Variants in PEX5L observed in about 807,000 individuals in gnomAD.
PEX5L encodes the protein PEX5-related protein.
Under a neutral mutation model 84.0 loss-of-function variants are expected in PEX5L, and 30 were observed. The ratio of observed to expected loss-of-function variants is 0.36; its 90% CI spans 0.27 to 0.48. PEX5L has a LOEUF of 0.48. Ranked by LOEUF, PEX5L falls within the 20% of genes least tolerant of loss-of-function variation. PEX5L has a pLI of 0.99. For synonymous variants in PEX5L, 270 were observed against 283.1 expected, an observed-to-expected ratio of 0.95 and a Z score of 0.46; for missense variants, 533 against 754.6, an observed-to-expected ratio of 0.71 and a Z score of 3.44.
chr3:179,827,654 G>A (rs527923219), intron 8 of PEX5L, among the ~76,000 whole-genome samples: 2 of 152,192 alleles, frequency 1.3e-5, no homozygotes, highest in South Asian at 2.1e-4. Flanking sequence ...GGACTGGAGT[G>A]GGGGAGGAAG....
intron 8 of PEX5L, among the ~76,000 whole-genome samples, chr3:179,830,976 G>T (rs1732629579): frequency 6.6e-6 from 1 of 152,016 alleles, no homozygotes; most frequent in Non-Finnish European, 1.5e-5. Flanking sequence ...TTCATCTCGG[G>T]GCTATTATGT....
rs1226346749 is a variant in PEX5L, at chr3:179,880,021, T to A, written c.413A>T (p.Lys138Met). The change falls in exon 5 of 15, where the codon AAG becomes ATG. Residue 138 changes from lysine (K) to methionine (M), a missense_variant. Around this residue, in one of 8 missense-constraint regions of PEX5L, gnomAD observed 259 missense variants for 301.7 expected, o/e 0.86. Transcript: ENST00000467460. ...GAGGTCAGATCCATCGGCCTTTTTC[T>A]TGAGGGATGAGGTTTTTGATGAGGG... is the stretch of plus-strand genomic sequence containing the variant. ...SEPSSKTSSL[K>M]KKADGSDLIS... 6.2e-7 allele frequency: 1 copy of A among 1,613,934 alleles called. No individual in the cohort carries two copies. Among genetic ancestry groups the A allele is most frequent in the East Asian group, 2.2e-5 (1 of 44,882 alleles).
At chr3:179,898,058 G>GA in intron 3 of PEX5L, 84 bp downstream of exon 3, 1 of 727,116 alleles carries the variant, frequency 1.4e-6, no homozygotes, top group East Asian at 3.1e-5. Flanking sequence ...AAGAGTTAAA[G>GA]TTTTTTTTTT....
intron 8 of PEX5L, among the ~76,000 whole-genome samples, chr3:179,845,973 C>A (rs537619068): frequency 6.6e-6 from 1 of 152,248 alleles, no homozygotes; most frequent in South Asian, 2.1e-4. Flanking sequence ...AGTTTGAGAC[C>A]AGCCTGGCCA....
chr3:179,941,465 C>T (rs1776075992), intron 2 of PEX5L, among the ~76,000 whole-genome samples: 1 of 152,192 alleles, frequency 6.6e-6, no homozygotes, highest in Non-Finnish European at 1.5e-5. Context: ...ACATTCAGTA[C>T]TTCATGTAAT....
chr3:179,920,819 G>C (rs1769109206), intron 2 of PEX5L, among the ~76,000 whole-genome samples: 1 of 152,064 alleles, frequency 6.6e-6, no homozygotes, highest in Admixed American at 6.5e-5. Flanking sequence ...AAGTATTTTT[G>C]AATGAATTTA....
intron 2 of PEX5L, among the ~76,000 whole-genome samples, chr3:179,900,999 C>T (rs891471032): frequency 2.0e-5 from 3 of 152,172 alleles, no homozygotes; most frequent in Non-Finnish European, 4.4e-5. Context: ...CACCTGTTAT[C>T]TTAAAATCAA....
chr3:179,800,701 G>A lies in PEX5L; in HGVS notation c.*1127C>T, dbSNP rs1718608283. ...GTGTTGCTCTTCTATCACTTAGAATGCAAGGGGATGAACAGTGCAGATTAT... is the reference window on the plus strand; with the variant it reads ...GTGTTGCTCTTCTATCACTTAGAATACAAGGGGATGAACAGTGCAGATTAT... On this transcript the variant is annotated 3_prime_UTR_variant, in exon 15 of 15. Coordinates refer to ENST00000467460, the MANE Select transcript of PEX5L (RefSeq NM_016559.3). 1 of 152,186 alleles carries A rather than the reference G, an allele frequency of 6.6e-6. No individual in the cohort carries two copies. Among genetic ancestry groups the A allele is most frequent in the African/African-American group, 2.4e-5 (1 of 41,446 alleles). The allele number at this position is 152,186 out of a possible 1,614,324, so 9.4% of individuals were successfully genotyped here.
chr3:179,929,322 C>T (rs1196004856), intron 2 of PEX5L, among the ~76,000 whole-genome samples: 3 of 152,116 alleles, frequency 2.0e-5, no homozygotes, highest in African/African-American at 7.2e-5. Context: ...CCTCAAAGTA[C>T]TTAAATCTAA....
intron 8 of PEX5L, among the ~76,000 whole-genome samples, chr3:179,836,196 T>C (rs1294042266): frequency 1.3e-5 from 2 of 152,192 alleles, no homozygotes; most frequent in Admixed American, 1.3e-4. Context: ...TTTTCTCATC[T>C]ATAAAAAGGA....
At chr3:179,850,278 C>A (rs1163364744) in intron 8 of PEX5L, among the ~76,000 whole-genome samples, 1 of 152,000 alleles carries the variant, frequency 6.6e-6, no homozygotes, top group African/African-American at 2.4e-5. Context: ...AGGCATGCAC[C>A]ATCATGCCTG....
intron 2 of PEX5L, among the ~76,000 whole-genome samples, chr3:179,951,748 A>G (rs1441834671): frequency 1.3e-5 from 2 of 152,120 alleles, no homozygotes; most frequent in African/African-American, 4.8e-5. Context: ...CACTTTGTTT[A>G]TATATGAATT....
chr3:179,829,480 G>A lies in PEX5L; in HGVS notation c.823-9504C>T, dbSNP rs528083343. Among the ~76,000 whole-genome samples the A allele has an allele frequency of 1.6e-4, 25 of 152,266 alleles. No homozygotes were observed. In the South Asian group the frequency reaches 5.2e-3, roughly 32 times the overall value. ...TGTGACCTTGGACAAGTTACTGAAT[G>A]TCTCAATGTCCCAGTTTCTCCACCT... On this transcript the variant is annotated intron_variant, in intron 8 of 14. Transcript: ENST00000467460.
At chr3:179,835,147 C>G (rs932057164) in intron 8 of PEX5L, among the ~76,000 whole-genome samples, 1 of 152,144 alleles carries the variant, frequency 6.6e-6, no homozygotes, top group Non-Finnish European at 1.5e-5. Flanking sequence ...TTCCTGACCT[C>G]AAGGGTCTCA....
chr3:179,884,953 G>C (rs989891203), intron 4 of PEX5L, among the ~76,000 whole-genome samples: 1 of 152,028 alleles, frequency 6.6e-6, no homozygotes, highest in Admixed American at 6.6e-5. Flanking sequence ...CTCCAGAAGA[G>C]GTAAATATTT....
At chr3:179,958,930 G>A (rs1781301373) in intron 2 of PEX5L, among the ~76,000 whole-genome samples, 1 of 152,070 alleles carries the variant, frequency 6.6e-6, no homozygotes, top group African/African-American at 2.4e-5. Flanking sequence ...CTGAGGCTGA[G>A]GCAGGAGAAT....
chr3:179,880,177 T>A, intron 4 of PEX5L, 54 bp from the exon 5 acceptor site: 1 of 1,146,154 alleles, frequency 8.7e-7, no homozygotes, highest in Non-Finnish European at 1.2e-6. Context: ...TGAAATTATT[T>A]AAAATAGGTT....
chr3:179,818,622 C>T (rs1377028675), intron 9 of PEX5L, among the ~76,000 whole-genome samples: 1 of 151,646 alleles, frequency 6.6e-6, no homozygotes, highest in Non-Finnish European at 1.5e-5. Context: ...TTCCCAGCCT[C>T]TGGTAACCAT....
At chr3:179,933,003 C>T (rs1450636099) in intron 2 of PEX5L, among the ~76,000 whole-genome samples, 1 of 152,112 alleles carries the variant, frequency 6.6e-6, no homozygotes, top group African/African-American at 2.4e-5. Flanking sequence ...CAACATATCC[C>T]CAACTCCCTC....
Sources: allele counts gnomAD v4.1 joint callset (sites outside exome capture counted in the v4.1 genomes callset), GRCh38; gene constraint gnomAD v4.1.1; regional missense constraint gnomAD v4.1.1; transcripts MANE v1.5; gene names NCBI Gene and HGNC (gene_info 2026-07-23, HGNC 2026-07-21).